Variants in PDE4D observed in about 807,000 individuals in gnomAD.
PDE4D encodes phosphodiesterase 4D.
In PDE4D, 24 loss-of-function variants were observed where a neutral mutation model predicts 87.4. The observed-to-expected ratio is 0.27, with a 90% CI of 0.20 to 0.39. PDE4D has a LOEUF of 0.39. Among genes scored for constraint, PDE4D ranks in the 10% least tolerant of loss-of-function variants. The pLI is 1.00. For missense variants in PDE4D, 714 were observed against 1,041.0 expected (o/e 0.69, Z 4.32); for synonymous variants, 384 against 383.2 (o/e 1.00, Z -0.02).
intron 1 of PDE4D, among the ~76,000 whole-genome samples, chr5:60,358,406 C>A (rs901748555): frequency 3.3e-5 from 5 of 152,152 alleles, no homozygotes; most frequent in African/African-American, 1.2e-4. Context: ...GTTCTCTTAA[C>A]CATCTTGGGT....
At chr5:59,639,536 G>C (rs1296453120) in intron 1 of PDE4D, among the ~76,000 whole-genome samples, 1 of 152,144 alleles carries the variant, frequency 6.6e-6, no homozygotes. Context: ...CTGATCCATG[G>C]GAAGCTAAGG....
At chr5:60,018,946 A>C (rs1561985590) in intron 2 of PDE4D, among the ~76,000 whole-genome samples, 1 of 152,134 alleles carries the variant, frequency 6.6e-6, no homozygotes, top group Non-Finnish European at 1.5e-5. Flanking sequence ...ATTAACAAGG[A>C]TATTCAGGAC....
At chr5:59,609,377 T>TACACACACAC (rs61116888) in intron 1 of PDE4D, among the ~76,000 whole-genome samples, 2,424 of 147,606 alleles carry the variant, frequency 0.016, 28 homozygotes, top group Admixed American at 0.033. Flanking sequence ...TTTGTATATG[T>TACACACACAC]ACACACACAC....
At chr5:60,397,479 A>G (rs1762961926) in intron 1 of PDE4D, among the ~76,000 whole-genome samples, 1 of 152,264 alleles carries the variant, frequency 6.6e-6, no homozygotes, top group South Asian at 2.1e-4. Flanking sequence ...AAATCATGTC[A>G]TGTGCAACAA....
At chr5:60,160,346 C>G (rs74769870) in intron 2 of PDE4D, among the ~76,000 whole-genome samples, 4,541 of 152,192 alleles carry the variant, frequency 0.03, 220 homozygotes, top group African/African-American at 0.1. Flanking sequence ...CCGTGATTTT[C>G]ATGGGTCAAT....
intron 1 of PDE4D, among the ~76,000 whole-genome samples, chr5:59,374,636 G>A (rs1215584581): frequency 6.6e-6 from 1 of 151,890 alleles, no homozygotes; most frequent in African/African-American, 2.4e-5. Flanking sequence ...AGGAAATTAA[G>A]ATATTCAGGA....
chr5:59,288,504 G>T (rs1002132921), intron 1 of PDE4D, among the ~76,000 whole-genome samples: 1 of 151,938 alleles, frequency 6.6e-6, no homozygotes, highest in African/African-American at 2.4e-5. Context: ...TTAAAAAAAA[G>T]TTAGAAAGAG....
intron 1 of PDE4D, chr5:59,275,799 A>C: frequency 1.0e-6 from 1 of 988,802 alleles, no homozygotes; most frequent in Non-Finnish European, 1.2e-6. Context: ...ACACTCGAAG[A>C]GCGCAGGTAG....
At chr5:59,290,538 C>T (rs935484620) in intron 1 of PDE4D, among the ~76,000 whole-genome samples, 7 of 151,922 alleles carry the variant, frequency 4.6e-5, no homozygotes, top group African/African-American at 1.7e-4. Context: ...AAGTAATACC[C>T]TACAAGCATA....
At chr5:59,057,078 T>A (rs1762484646) in intron 5 of PDE4D, among the ~76,000 whole-genome samples, 1 of 152,202 alleles carries the variant, frequency 6.6e-6, no homozygotes, top group African/African-American at 2.4e-5. Context: ...TGAGAAACCA[T>A]TGCTGGCATA....
At chr5:59,475,820 T>TG (rs1803216741) in intron 1 of PDE4D, among the ~76,000 whole-genome samples, 1 of 152,078 alleles carries the variant, frequency 6.6e-6, no homozygotes, top group African/African-American at 2.4e-5. Flanking sequence ...GTCTTCCCAC[T>TG]GACTACTCAT....
At chr5:59,842,702 T>C (rs1288620658) in intron 1 of PDE4D, among the ~76,000 whole-genome samples, 2 of 152,112 alleles carry the variant, frequency 1.3e-5, no homozygotes, top group Non-Finnish European at 2.9e-5. Flanking sequence ...TATAATAATG[T>C]CACCAAATGT....
intron 2 of PDE4D, among the ~76,000 whole-genome samples, chr5:60,026,575 G>A (rs1305053190): frequency 6.6e-6 from 1 of 152,082 alleles, no homozygotes; most frequent in Non-Finnish European, 1.5e-5. Flanking sequence ...AATTATACAG[G>A]AAAATGATAA....
exon 2 of PDE4D, chr5:60,185,650 T>G (rs377739811): frequency 2.5e-6 from 3 of 1,211,124 alleles, no homozygotes; most frequent in Non-Finnish European, 3.5e-6. Context: ...GTGTCAATGA[T>G]CTCACTGCAC....
chr5:60,460,037 A>G (rs781761562), intron 1 of PDE4D: 35 of 1,475,954 alleles, frequency 2.4e-5, no homozygotes, highest in Non-Finnish European at 2.9e-5. Flanking sequence ...AATGAGTTTG[A>G]CCAAATATCA....
At chr5:60,442,283 C>T (rs1583784226) in intron 1 of PDE4D, among the ~76,000 whole-genome samples, 1 of 152,194 alleles carries the variant, frequency 6.6e-6, no homozygotes, top group Non-Finnish European at 1.5e-5. Flanking sequence ...AGTTCATGTC[C>T]TTTTCAGGGA....
chr5:59,742,009 C>CTGT (rs1394851611), intron 1 of PDE4D, among the ~76,000 whole-genome samples: 2 of 152,124 alleles, frequency 1.3e-5, no homozygotes, highest in Non-Finnish European at 2.9e-5. Flanking sequence ...ACCAGTATTA[C>CTGT]TGTTGTTGTT....
intron 1 of PDE4D, among the ~76,000 whole-genome samples, chr5:60,427,277 A>G (rs1247304396): frequency 6.6e-6 from 1 of 152,212 alleles, no homozygotes; most frequent in Non-Finnish European, 1.5e-5. Context: ...CAGCACATCC[A>G]AGATAAAGAG....
chr5:59,412,961 G>A (rs986876897), intron 1 of PDE4D, among the ~76,000 whole-genome samples: 3 of 150,968 alleles, frequency 2.0e-5, no homozygotes, highest in Non-Finnish European at 4.4e-5. Context: ...TGGTAGATAT[G>A]AAATCAGCCA....
Sources: allele counts gnomAD v4.1 joint callset (sites outside exome capture counted in the v4.1 genomes callset), GRCh38; gene constraint gnomAD v4.1.1; transcripts MANE v1.5; gene names NCBI Gene and HGNC (gene_info 2026-07-23, HGNC 2026-07-21).